Variants in MAST4 observed in about 807,000 individuals in gnomAD.
MAST4 encodes microtubule-associated serine/threonine-protein kinase 4.
In MAST4, 89 loss-of-function variants were observed where a neutral mutation model predicts 162.7. The observed-to-expected ratio is 0.55, with a 90% CI of 0.46 to 0.65. The LOEUF (loss-of-function observed/expected upper bound fraction) is 0.65. Ranked by LOEUF, MAST4 falls within the 30% of genes least tolerant of loss-of-function variation. The probability of loss-of-function intolerance (pLI) is 0.00; values close to 1 mark genes in which losing one functional copy is unlikely to be tolerated. For synonymous variants in MAST4, 1,479 were observed against 1,361.1 expected (o/e 1.09, Z -1.91); for missense variants, 3,153 against 3,374.0 (o/e 0.93, Z 1.62).
rs1774285733 is a variant in MAST4, at chr5:67,168,408, A to C, written c.*1357A>C. ...TGGAGCTATTTGGTGCTTGAATGTGACCATCCTTTTTACTTTTGCTAAGCC... is the reference window on the plus strand; with the variant it reads ...TGGAGCTATTTGGTGCTTGAATGTGCCCATCCTTTTTACTTTTGCTAAGCC... On this transcript the variant is annotated 3_prime_UTR_variant, in exon 29 of 29. Coordinates refer to ENST00000403625, the MANE Select transcript of MAST4 (RefSeq NM_001164664.2). 1 of 152,138 alleles carries C rather than the reference A, an allele frequency of 6.6e-6. No individual in the cohort carries two copies. Among genetic ancestry groups the C allele is most frequent in the Non-Finnish European group, 1.5e-5 (1 of 68,036 alleles). 9.4% of individuals were successfully genotyped at this position (152,138 alleles called of 1,614,324 possible).
chr5:67,029,420 G>A (rs1384589541), intron 4 of MAST4, among the ~76,000 whole-genome samples: 3 of 152,056 alleles, frequency 2.0e-5, no homozygotes, highest in African/African-American at 4.8e-5. Flanking sequence ...AGTAATATTC[G>A]GGATGTAAAC....
intron 4 of MAST4, among the ~76,000 whole-genome samples, chr5:67,020,763 C>T (rs1010169531): frequency 6.6e-6 from 1 of 152,178 alleles, no homozygotes; most frequent in African/African-American, 2.4e-5. Context: ...GGAAAATAAT[C>T]AGCAAGCCTT....
intron 4 of MAST4, among the ~76,000 whole-genome samples, chr5:67,043,484 A>T (rs1291641092): frequency 6.6e-6 from 1 of 152,228 alleles, no homozygotes; most frequent in Non-Finnish European, 1.5e-5. Flanking sequence ...TTGGAACATT[A>T]GATTTAAGTT....
intron 1 of MAST4, among the ~76,000 whole-genome samples, chr5:66,699,896 C>T (rs1749654865): frequency 6.6e-6 from 1 of 151,952 alleles, no homozygotes; most frequent in Non-Finnish European, 1.5e-5. Flanking sequence ...CGTGCATATT[C>T]TGCACATATA....
intron 3 of MAST4, among the ~76,000 whole-genome samples, chr5:66,851,598 C>G (rs539466537): frequency 6.6e-6 from 1 of 152,324 alleles, no homozygotes; most frequent in East Asian, 1.9e-4. Flanking sequence ...AATGACTCTT[C>G]AGAGTCACCG....
chr5:66,734,962 C>T (rs1057448249), intron 1 of MAST4, among the ~76,000 whole-genome samples: 1 of 152,228 alleles, frequency 6.6e-6, no homozygotes, highest in African/African-American at 2.4e-5. Context: ...TTAAGAATAT[C>T]TTCTGACCTG....
chr5:66,748,424 C>CT (rs1752907446), intron 1 of MAST4, among the ~76,000 whole-genome samples: 4 of 128,410 alleles, frequency 3.1e-5, no homozygotes, highest in African/African-American at 9.4e-5. Context: ...TCCCTTCCTT[C>CT]CTCCCTCCCT....
intron 23 of MAST4, among the ~76,000 whole-genome samples, chr5:67,148,559 A>ATTTTT (rs900308164): frequency 2.6e-5 from 4 of 152,000 alleles, no homozygotes; most frequent in African/African-American, 4.8e-5. Flanking sequence ...GGAAGCCCTA[A>ATTTTT]TTTTTTTTAA....
intron 3 of MAST4, chr5:66,870,670 C>T (rs925658026): frequency 6.1e-5 from 24 of 393,914 alleles, no homozygotes; most frequent in South Asian, 4.3e-4. Flanking sequence ...AAATACAGTG[C>T]CGTTAAACAC....
chr5:67,127,943 A>G (rs902233336), intron 14 of MAST4, among the ~76,000 whole-genome samples: 7 of 152,228 alleles, frequency 4.6e-5, no homozygotes, highest in Non-Finnish European at 1.5e-5. Flanking sequence ...CAAGAAAGCC[A>G]GTGTAAACCA....
At chr5:66,624,153 T>G (rs1744264242) in intron 1 of MAST4, among the ~76,000 whole-genome samples, 1 of 65,918 alleles carries the variant, frequency 1.5e-5, no homozygotes, top group South Asian at 4.6e-4. Flanking sequence ...AATGTTTTTT[T>G]TTTTTTTTTT....
intron 4 of MAST4, among the ~76,000 whole-genome samples, chr5:66,942,066 A>C (rs1290162043): frequency 6.6e-6 from 1 of 152,164 alleles, no homozygotes; most frequent in Non-Finnish European, 1.5e-5. Context: ...TGAAAACATT[A>C]GAAATATTGG....
At chr5:66,930,663 C>T (rs1387964612) in intron 4 of MAST4, 2 of 467,446 alleles carry the variant, frequency 4.3e-6, no homozygotes, top group Non-Finnish European at 8.9e-6. Flanking sequence ...ATATTTGACC[C>T]TTTGACATGC....
At chr5:66,636,322 TC>T (rs1745119706) in intron 1 of MAST4, among the ~76,000 whole-genome samples, 1 of 152,128 alleles carries the variant, frequency 6.6e-6, no homozygotes, top group Non-Finnish European at 1.5e-5. Flanking sequence ...CAGCAGTTCC[TC>T]CCCGCGGTTA....
chr5:66,992,218 AT>A (rs1279897398), intron 4 of MAST4, among the ~76,000 whole-genome samples: 1 of 152,202 alleles, frequency 6.6e-6, no homozygotes, highest in Non-Finnish European at 1.5e-5. Context: ...ATGCTGCTAT[AT>A]AATCTTCATA....
At chr5:66,730,812 G>A (rs1361590099) in intron 1 of MAST4, among the ~76,000 whole-genome samples, 1 of 151,508 alleles carries the variant, frequency 6.6e-6, no homozygotes, top group Non-Finnish European at 1.5e-5. Flanking sequence ...AATGTTGATT[G>A]ACAACATGCC....
At chr5:66,962,901 T>C (rs1746188144) in intron 4 of MAST4, among the ~76,000 whole-genome samples, 1 of 152,170 alleles carries the variant, frequency 6.6e-6, no homozygotes, top group Admixed American at 6.5e-5. Context: ...ATTAGATCTA[T>C]TGGTTAAATT....
intron 19 of MAST4, among the ~76,000 whole-genome samples, chr5:67,139,596 G>A (rs557441609): frequency 6.6e-6 from 1 of 152,314 alleles, no homozygotes; most frequent in South Asian, 2.1e-4. Flanking sequence ...CAGGATTATT[G>A]TGAGGAGTAA....
intron 1 of MAST4, among the ~76,000 whole-genome samples, chr5:66,699,549 G>T (rs1749627991): frequency 6.6e-6 from 1 of 152,088 alleles, no homozygotes; most frequent in African/African-American, 2.4e-5. Flanking sequence ...AGAAAATATG[G>T]TACATATACA....
Sources: allele counts gnomAD v4.1 joint callset (sites outside exome capture counted in the v4.1 genomes callset), GRCh38; gene constraint gnomAD v4.1.1; transcripts MANE v1.5; gene names NCBI Gene and HGNC (gene_info 2026-07-23, HGNC 2026-07-21).